Variants in NCOA1 observed in about 807,000 individuals in gnomAD.
The protein encoded by NCOA1 is nuclear receptor coactivator 1.
A neutral mutation model predicts 150.9 loss-of-function variants in NCOA1; 35 were observed. The ratio of observed to expected loss-of-function variants is 0.23; its 90% CI spans 0.18 to 0.31. The LOEUF is 0.31. Among genes scored for constraint, NCOA1 ranks in the 10% least tolerant of loss-of-function variants. The probability of loss-of-function intolerance (pLI) is 1.00; values close to 1 mark genes in which losing one functional copy is unlikely to be tolerated. For missense variants in NCOA1, 1,491 were observed against 1,749.3 expected (o/e 0.85, Z 2.63); for synonymous variants, 590 against 630.0 (o/e 0.94, Z 0.95).
intron 3 of NCOA1, among the ~76,000 whole-genome samples, chr2:24,635,487 A>G (rs1669902562): frequency 6.6e-6 from 1 of 152,226 alleles, no homozygotes; most frequent in South Asian, 2.1e-4. Context: ...AAATAAAAAA[A>G]TAAAAAGTAC....
At chr2:24,693,186 G>A in intron 9 of NCOA1, 66 bp from the exon 10 acceptor site, 3 of 1,432,880 alleles carry the variant, frequency 2.1e-6, no homozygotes, top group Non-Finnish European at 3.0e-6. Flanking sequence ...ACCATTAATG[G>A]CGAGTGATAG....
intron 14 of NCOA1, among the ~76,000 whole-genome samples, chr2:24,715,039 AAAGAT>A (rs1673948084): frequency 1.3e-5 from 2 of 152,148 alleles, no homozygotes; most frequent in Non-Finnish European, 2.9e-5. Context: ...TAAGATGAAC[AAAGAT>A]AAGAAAACAA....
chr2:24,504,256 A>G (rs1225796797), intron 1 of NCOA1, among the ~76,000 whole-genome samples: 2 of 152,248 alleles, frequency 1.3e-5, no homozygotes, highest in African/African-American at 2.4e-5. Context: ...GCATAGTCCC[A>G]TGGAACATGA....
At position 24,576,001 on chromosome 2, in the gene NCOA1, CT is replaced by C. The variant is rs1399643256; in HGVS notation, c.-259-8471del. Among the ~76,000 whole-genome samples, 9 of 152,018 alleles carry C rather than the reference CT, an allele frequency of 5.9e-5. No homozygotes were observed. In the East Asian group the frequency reaches 1.7e-3, roughly 29 times the overall value. On this transcript the variant is annotated intron_variant, in intron 2 of 22. Transcript: ENST00000348332. ...GGGTGAGTCTGGAGCAGTGAGTAGACTTTTCTCCTAGAGCTAATTTAGAAGT... is the reference window on the plus strand; with the variant it reads ...GGGTGAGTCTGGAGCAGTGAGTAGACTTTCTCCTAGAGCTAATTTAGAAGT...
rs1663245213 is a variant in NCOA1 at position 24,735,373 on chromosome 2, C to T, written c.3202-4059C>T. On this transcript the variant is annotated intron_variant, in intron 17 of 22. Coordinates refer to ENST00000348332, the MANE Select transcript of NCOA1 (RefSeq NM_003743.5). ...TATTGGTCATATCCTCTCCTTCCCTCTTCCCAAATACAGGAGACTGTAAGC... is the reference window on the plus strand; with the variant it reads ...TATTGGTCATATCCTCTCCTTCCCTTTTCCCAAATACAGGAGACTGTAAGC... 2.0e-5 allele frequency among the ~76,000 whole-genome samples: 3 copies of T among 152,176 alleles called. No homozygotes were observed. The South Asian group carries it at 6.2e-4, about 32-fold the overall frequency.
intron 2 of NCOA1, among the ~76,000 whole-genome samples, chr2:24,577,304 C>T (rs955264780): frequency 6.6e-6 from 1 of 152,134 alleles, no homozygotes; most frequent in Non-Finnish European, 1.5e-5. Flanking sequence ...TCAATTCAAA[C>T]ACTATTAATT....
At chr2:24,499,267 T>C (rs185752266) in intron 1 of NCOA1, among the ~76,000 whole-genome samples, 103 of 152,346 alleles carry the variant, frequency 6.8e-4, no homozygotes, top group African/African-American at 2.4e-3. Flanking sequence ...CCTTACTGTT[T>C]TATATATTGT....
intron 13 of NCOA1, among the ~76,000 whole-genome samples, chr2:24,710,294 G>A (rs1242287760): frequency 6.6e-6 from 1 of 151,938 alleles, no homozygotes; most frequent in Non-Finnish European, 1.5e-5. Flanking sequence ...GGGTTGCCAT[G>A]TTGGCCAGGC....
At chr2:24,532,738 G>C (rs1664950899) in intron 1 of NCOA1, among the ~76,000 whole-genome samples, 1 of 152,108 alleles carries the variant, frequency 6.6e-6, no homozygotes, top group Admixed American at 6.5e-5. Context: ...GTTTTCATCA[G>C]GTTTGTCAAA....
chr2:24,742,081 C>A lies in NCOA1; in HGVS notation c.3601C>A (p.Arg1201Ser), dbSNP rs759962925. The A allele has an allele frequency of 6.2e-7, 1 of 1,614,184 alleles. No homozygotes were observed. The highest frequency in any genetic ancestry group is 8.5e-7 in the Non-Finnish European group (1 of 1,180,030). Reference sequence around the variant, plus strand: ...AAATCCTGAAGCATCCTTGGCCAACCGCAACAGCATGGTGAGCAGAGGCAT... The same window carrying A: ...AAATCCTGAAGCATCCTTGGCCAACAGCAACAGCATGGTGAGCAGAGGCAT... ...AANPEASLAN[R>S]NSMVSRGMTG... is the part of the protein sequence containing the mutation. The change falls in exon 19 of 23, where the codon CGC (arginine) becomes AGC (serine). Residue 1201 changes from arginine (R) to serine (S), a missense_variant. Coordinates refer to ENST00000348332, the MANE Select transcript of NCOA1 (RefSeq NM_003743.5).
intron 14 of NCOA1, among the ~76,000 whole-genome samples, chr2:24,718,725 C>CAA (rs556188432): frequency 1.3e-3 from 145 of 114,978 alleles, no homozygotes; most frequent in Middle Eastern, 4.3e-3. Context: ...ACTAAAACTA[C>CAA]AAAAAAAAAA....
At chr2:24,497,154 G>A (rs898000193) in intron 1 of NCOA1, among the ~76,000 whole-genome samples, 1 of 152,098 alleles carries the variant, frequency 6.6e-6, no homozygotes, top group Non-Finnish European at 1.5e-5. Context: ...GCTTATAGGT[G>A]TTAGGGATGA....
chr2:24,671,185 C>T (rs1671665542), intron 6 of NCOA1, among the ~76,000 whole-genome samples: 1 of 152,132 alleles, frequency 6.6e-6, no homozygotes. Flanking sequence ...CTCTTAACAG[C>T]AGTTAAAATG....
chr2:24,631,342 A>G (rs1329426036), intron 3 of NCOA1, among the ~76,000 whole-genome samples: 1 of 152,194 alleles, frequency 6.6e-6, no homozygotes. Flanking sequence ...CTCCCCATCA[A>G]AAAGTATATC....
At chr2:24,593,862 TA>T (rs1667761966) in intron 3 of NCOA1, among the ~76,000 whole-genome samples, 1 of 152,150 alleles carries the variant, frequency 6.6e-6, no homozygotes, top group Non-Finnish European at 1.5e-5. Flanking sequence ...CTTAGAAAAC[TA>T]AAACAGCTGA....
rs552473972 is a variant in NCOA1 at position 24,758,142 on chromosome 2, G to A, written c.4051G>A (p.Val1351Met). The A allele has an allele frequency of 2.6e-5, 42 of 1,612,968 alleles. No homozygotes were observed. In the South Asian group the frequency reaches 3.7e-4, roughly 14 times the overall value. ...TTTGCAGATGCCAGGAATGAACACT[G>A]TGTGCCCTGAGCAGGTAAGTGGCAC... ...SSLQMPGMNT[V>M]CPEQINDPAL... Residue 1351 changes from valine to methionine, a missense_variant, in exon 21 of 23, where the codon GTG becomes ATG. By Grantham distance (21) the Val-to-Met change is conservative. Around this residue, in one of 8 missense-constraint regions of NCOA1, gnomAD observed 485 missense variants for 522.8 expected, o/e 0.93. Transcript: ENST00000348332.
chr2:24,511,068 T>G (rs1301257422), intron 1 of NCOA1, among the ~76,000 whole-genome samples: 2 of 152,202 alleles, frequency 1.3e-5, no homozygotes, highest in East Asian at 3.8e-4. Flanking sequence ...TTTGCCTATT[T>G]TGTACATTTC....
chr2:24,600,645 A>G (rs548630228), intron 3 of NCOA1, among the ~76,000 whole-genome samples: 3 of 152,330 alleles, frequency 2.0e-5, no homozygotes, highest in East Asian at 3.9e-4. Context: ...CCAGAGATAC[A>G]TATTCTTACT....
chr2:24,509,949 A>G (rs1663863519), intron 1 of NCOA1, among the ~76,000 whole-genome samples: 1 of 152,264 alleles, frequency 6.6e-6, no homozygotes, highest in East Asian at 1.9e-4. Context: ...GAATAAAACT[A>G]TTAAAGTACT....
Sources: gnomAD v4.1 joint callset for allele counts (sites outside exome capture counted in the v4.1 genomes callset) on GRCh38, gnomAD v4.1.1 for gene constraint, gnomAD v4.1.1 regional missense constraint, MANE v1.5 for transcripts, NCBI Gene and HGNC (gene_info 2026-07-23, HGNC 2026-07-21) for gene names.